MAP3K2: variants seen among roughly 807,000 people sequenced by gnomAD.
MAP3K2 encodes the protein mitogen-activated protein kinase kinase kinase 2.
Under a neutral mutation model 80.3 loss-of-function variants are expected in MAP3K2, and 24 were observed. The ratio of observed to expected loss-of-function variants is 0.30; its 90% CI spans 0.22 to 0.42. The LOEUF (loss-of-function observed/expected upper bound fraction) is 0.42, where lower values mean the gene tolerates loss of function less well. MAP3K2 is among the 10% of genes least tolerant of loss of function. MAP3K2 has a pLI of 1.00. For missense variants in MAP3K2, 608 were observed against 750.1 expected, an observed-to-expected ratio of 0.81 and a Z score of 2.21; for synonymous variants, 244 against 253.7, an observed-to-expected ratio of 0.96 and a Z score of 0.36.
At chr2:127,386,295 A>G (rs1687345489) in intron 1 of MAP3K2, among the ~76,000 whole-genome samples, 3 of 152,230 alleles carry the variant, frequency 2.0e-5, no homozygotes, top group African/African-American at 7.2e-5. Context: ...CTCATGCTAA[A>G]ATGAGAATTT....
intron 15 of MAP3K2, among the ~76,000 whole-genome samples, chr2:127,314,431 G>C (rs1265721354): frequency 1.3e-5 from 2 of 152,214 alleles, no homozygotes; most frequent in Non-Finnish European, 2.9e-5. Flanking sequence ...GCCCAAATTT[G>C]AATCAGGCCA....
At chr2:127,315,178 A>C (rs1255458024) in intron 14 of MAP3K2, among the ~76,000 whole-genome samples, 1 of 152,250 alleles carries the variant, frequency 6.6e-6, no homozygotes, top group African/African-American at 2.4e-5. Flanking sequence ...CAAAAGGAGA[A>C]TAGATTTTCT....
intron 1 of MAP3K2, among the ~76,000 whole-genome samples, chr2:127,343,888 G>A (rs1686546494): frequency 6.6e-6 from 1 of 152,002 alleles, no homozygotes; most frequent in Non-Finnish European, 1.5e-5. Flanking sequence ...GTGCAGTAGT[G>A]CATGCCTGTA....
chr2:127,376,076 T>C (rs1202988477), intron 1 of MAP3K2, among the ~76,000 whole-genome samples: 1 of 152,130 alleles, frequency 6.6e-6, no homozygotes, highest in African/African-American at 2.4e-5. Context: ...GGGAGAGATG[T>C]AGGAGATCAG....
At chr2:127,345,049 T>G (rs1442471459) in intron 1 of MAP3K2, among the ~76,000 whole-genome samples, 4 of 152,182 alleles carry the variant, frequency 2.6e-5, no homozygotes, top group East Asian at 1.9e-4. Context: ...AAAAAGATTT[T>G]GTACAGATTA....
At chr2:127,370,559 A>T (rs1687045505) in intron 1 of MAP3K2, among the ~76,000 whole-genome samples, 1 of 152,224 alleles carries the variant, frequency 6.6e-6, no homozygotes, top group Admixed American at 6.5e-5. Flanking sequence ...ATATAAAAGT[A>T]TTTAAAAAGC....
In MAP3K2 at chr2:127,325,624, G is replaced by T. The variant is rs982321200; in HGVS notation, c.677+104C>A. ...GACTGATGGAGCCAAGGAGGTCAAG[G>T]CTGCAGTAAGCCGCATTCACGCCAC... On this transcript the variant is annotated intron_variant, in intron 9 of 16. Transcript: ENST00000682094. The T allele has an allele frequency of 6.1e-6, 5 of 821,166 alleles. No homozygotes were observed. In the African/African-American group the frequency reaches 6.8e-5, roughly 11 times the overall value. The allele number at this position is 821,166 out of a possible 1,614,324, so 50.9% of individuals were successfully genotyped here.
chr2:127,308,713 A>C lies in MAP3K2; in HGVS notation c.1506T>G (p.Phe502Leu). ...DSTGNVKLGDFGASKRLQTIC... is the reference protein window; with the variant it reads ...DSTGNVKLGDLGASKRLQTIC... Reference sequence around the variant, plus strand: ...TGGTCTGAAGCCGTTTGCTGGCCCCAAAATCTCCTAGTTTGACGTTGCCTG... The same window carrying C: ...TGGTCTGAAGCCGTTTGCTGGCCCCCAAATCTCCTAGTTTGACGTTGCCTG... Residue 502 changes from phenylalanine to leucine, a missense_variant, in exon 16 of 17, where the codon TTT becomes TTG. By Grantham distance (22) the Phe-to-Leu change is conservative. This residue lies in a region of MAP3K2 where 88 missense variants were observed against 132.4 expected (regional missense o/e 0.66). Coordinates refer to ENST00000682094, the MANE Select transcript of MAP3K2 (RefSeq NM_001371910.2). 6.2e-7 allele frequency: 1 copy of C among 1,613,844 alleles called. No individual in the cohort carries two copies.
At chr2:127,366,052 A>G (rs573281334) in intron 1 of MAP3K2, among the ~76,000 whole-genome samples, 100 of 152,308 alleles carry the variant, frequency 6.6e-4, no homozygotes, top group African/African-American at 2.3e-3. Context: ...GACTGCTTCC[A>G]AACAAACCTT....
In MAP3K2 at chr2:127,308,691, T is replaced by C; in HGVS notation, c.1528A>G (p.Thr510Ala). Residue 510 changes from threonine (T) to alanine (A), a missense_variant, in exon 16 of 17, where the codon ACC becomes GCC. Physicochemically the swap from Thr to Ala is moderately conservative, Grantham distance 58 (BLOSUM62 0). Around this residue, in one of 4 missense-constraint regions of MAP3K2, gnomAD observed 88 missense variants for 132.4 expected, o/e 0.66. Transcript: ENST00000682094. The part of the protein sequence containing the change: ...GDFGASKRLQ[T>A]ICLSGTGMKS... ...ATTCCTGTCCCTGAGAGACAGATGG[T>C]CTGAAGCCGTTTGCTGGCCCCAAAA... is the stretch of plus-strand genomic sequence containing the variant. The C allele has an allele frequency of 6.2e-7, 1 of 1,613,966 alleles. No individual in the cohort carries two copies. The highest frequency in any genetic ancestry group is 2.2e-5 in the East Asian group (1 of 44,890).
At chr2:127,333,482 C>T (rs1311253868) in intron 5 of MAP3K2, among the ~76,000 whole-genome samples, 1 of 152,098 alleles carries the variant, frequency 6.6e-6, no homozygotes, top group Non-Finnish European at 1.5e-5. Context: ...GAATAACATG[C>T]AGTATAAATG....
In MAP3K2 at chr2:127,308,710, C is replaced by T. The variant is rs1351062202; in HGVS notation, c.1509G>A (p.Gly503=). 6.2e-7 allele frequency: 1 copy of T among 1,613,898 alleles called. No homozygotes were observed. Residue 503 remains glycine (G), a synonymous_variant, in exon 16 of 17, where the codon GGG becomes GGA. Transcript: ENST00000682094. ...AGATGGTCTGAAGCCGTTTGCTGGC[C>T]CCAAAATCTCCTAGTTTGACGTTGC... ...STGNVKLGDF[G]ASKRLQTICL...
rs1479004003 is a variant in MAP3K2 at position 127,335,907 on chromosome 2, A to C, written c.227T>G (p.Phe76Cys). 1 of 1,576,016 alleles carries C rather than the reference A, an allele frequency of 6.3e-7. No homozygotes were observed. Residue 76 changes from phenylalanine (F) to cysteine (C), a missense_variant, in exon 5 of 17, where the codon TTT (phenylalanine) becomes TGT (cysteine). Physicochemically the swap from Phe to Cys is radical, Grantham distance 205 (BLOSUM62 -2). Coordinates refer to ENST00000682094, the MANE Select transcript of MAP3K2 (RefSeq NM_001371910.2). ...EDLRSKAKIA[F>C]GQSMDLHYTN... ...ATAATGTAGATCCATAGACTGTCCA[A>C]AGGCAATTTTAGCTTTAGATCTCAG... is the stretch of plus-strand genomic sequence containing the variant.
rs1685672509 is a variant in MAP3K2 at position 127,305,176 on chromosome 2, G to A, written c.*2403C>T. On this transcript the variant is annotated 3_prime_UTR_variant, in exon 17 of 17. Coordinates refer to ENST00000682094, the MANE Select transcript of MAP3K2 (RefSeq NM_001371910.2). The stretch of plus-strand genomic sequence containing the variant: ...TTGTGCACTGCTGGTTACCCTGACA[G>A]ACCAAAAACGAGCCAAAGGAAAAGC... The A allele has an allele frequency of 2.0e-5, 3 of 152,530 alleles. No individual in the cohort carries two copies. Among genetic ancestry groups the A allele is most frequent in the South Asian group, 4.2e-4 (2 of 4,814 alleles). 9.4% of individuals were successfully genotyped at this position (152,530 alleles called of 1,614,324 possible).
At chr2:127,369,304 T>C (rs1460936854) in intron 1 of MAP3K2, among the ~76,000 whole-genome samples, 1 of 150,786 alleles carries the variant, frequency 6.6e-6, no homozygotes, top group African/African-American at 2.4e-5. Flanking sequence ...CAGCAGCACC[T>C]GCAGATACAG....
intron 16 of MAP3K2, among the ~76,000 whole-genome samples, chr2:127,308,113 T>C (rs929291550): frequency 6.6e-6 from 1 of 152,212 alleles, no homozygotes. Flanking sequence ...TTACAAAGAA[T>C]ATAAGCATTA....
rs372008220 is a variant in MAP3K2, at chr2:127,302,387, T to C, written c.*5192A>G. ...CTTCCAAAACCAGAAACTGACCTAA[T>C]TGAACACTCATACCTTTCCCCTTCT... On this transcript the variant is annotated 3_prime_UTR_variant, in exon 17 of 17. Coordinates refer to ENST00000682094, the MANE Select transcript of MAP3K2 (RefSeq NM_001371910.2). The C allele has an allele frequency of 1.3e-5, 2 of 152,046 alleles. No homozygotes were observed. The highest frequency in any genetic ancestry group is 2.4e-5 in the African/African-American group (1 of 41,400). The allele number at this position is 152,046 out of a possible 1,614,324, so 9.4% of individuals were successfully genotyped here. A position where few individuals can be genotyped will look rare whatever the true frequency, so the allele number is the denominator to read the frequency against.
chr2:127,316,311 T>C (rs1440281218), intron 14 of MAP3K2, among the ~76,000 whole-genome samples: 1 of 151,950 alleles, frequency 6.6e-6, no homozygotes, highest in Non-Finnish European at 1.5e-5. Context: ...GAGACGGAGG[T>C]TGCAGTGAGC....
chr2:127,346,498 T>C (rs1686598408), intron 1 of MAP3K2, among the ~76,000 whole-genome samples: 1 of 143,744 alleles, frequency 7.0e-6, no homozygotes, highest in South Asian at 2.3e-4. Context: ...GACAAAGCCA[T>C]CACAAGATGA....
Sources: allele counts gnomAD v4.1 joint callset (sites outside exome capture counted in the v4.1 genomes callset), GRCh38; gene constraint gnomAD v4.1.1; regional missense constraint gnomAD v4.1.1; transcripts MANE v1.5; gene names NCBI Gene and HGNC (gene_info 2026-07-23, HGNC 2026-07-21).